Variants in SORCS3 observed in about 807,000 individuals in gnomAD.
SORCS3 encodes the protein VPS10 domain-containing receptor SorCS3.
A neutral mutation model predicts 146.3 loss-of-function variants in SORCS3; 57 were observed. The observed-to-expected ratio is 0.39, with a 90% CI of 0.31 to 0.49. The LOEUF (loss-of-function observed/expected upper bound fraction) is 0.49. Among genes scored for constraint, SORCS3 ranks in the 20% least tolerant of loss-of-function variants. The pLI, the probability that SORCS3 is intolerant of heterozygous loss-of-function variation, is 0.92. For synonymous variants in SORCS3, 653 were observed against 618.5 expected (o/e 1.06, Z -0.83); for missense variants, 1,341 against 1,575.5 (o/e 0.85, Z 2.52).
At chr10:105,119,372 C>T (rs1474375959) in intron 7 of SORCS3, among the ~76,000 whole-genome samples, 1 of 152,156 alleles carries the variant, frequency 6.6e-6, no homozygotes, top group African/African-American at 2.4e-5. Context: ...AGAACCTCTG[C>T]TAGGATAGTG....
At chr10:104,844,240 T>C (rs1589521065) in intron 2 of SORCS3, among the ~76,000 whole-genome samples, 1 of 152,088 alleles carries the variant, frequency 6.6e-6, no homozygotes, top group East Asian at 1.9e-4. Context: ...CACGGTACTT[T>C]CCAGGAAATT....
intron 5 of SORCS3, among the ~76,000 whole-genome samples, chr10:105,080,374 T>A (rs1393632159): frequency 6.6e-6 from 1 of 152,198 alleles, no homozygotes; most frequent in African/African-American, 2.4e-5. Flanking sequence ...AAAGTATCTG[T>A]TCATGTCTTT....
chr10:104,727,776 C>A (rs2133450630), intron 1 of SORCS3, among the ~76,000 whole-genome samples: 1 of 152,154 alleles, frequency 6.6e-6, no homozygotes, highest in African/African-American at 2.4e-5. Context: ...TAAGCTCTGC[C>A]TTCACTCAGA....
chr10:105,096,239 A>G (rs2055746099), intron 6 of SORCS3, among the ~76,000 whole-genome samples: 1 of 152,144 alleles, frequency 6.6e-6, no homozygotes, highest in Admixed American at 6.5e-5. Flanking sequence ...CCTTTTATAA[A>G]GTTGTCCTGC....
At chr10:104,941,002 G>T (rs557364398) in intron 3 of SORCS3, among the ~76,000 whole-genome samples, 2 of 152,252 alleles carry the variant, frequency 1.3e-5, no homozygotes, top group African/African-American at 4.8e-5. Context: ...CTTCCTTTTC[G>T]ATCATATAGG....
intron 1 of SORCS3, among the ~76,000 whole-genome samples, chr10:104,793,454 T>G (rs1001971055): frequency 5.3e-5 from 8 of 152,124 alleles, no homozygotes; most frequent in Admixed American, 3.3e-4. Context: ...GGTAGGATGT[T>G]GGGGAGGGTG....
chr10:104,834,703 T>C (rs567496817), intron 1 of SORCS3, among the ~76,000 whole-genome samples: 2 of 152,060 alleles, frequency 1.3e-5, no homozygotes, highest in South Asian at 4.2e-4. Flanking sequence ...TACCTATTTT[T>C]TTTTTTTCCT....
chr10:104,920,341 A>G (rs933387388), intron 3 of SORCS3, among the ~76,000 whole-genome samples: 13 of 152,224 alleles, frequency 8.5e-5, no homozygotes, highest in Non-Finnish European at 2.9e-5. Flanking sequence ...GATTTTTTAA[A>G]CAATTTTGAA....
chr10:105,045,906 C>T (rs999683830), intron 5 of SORCS3, among the ~76,000 whole-genome samples: 10 of 152,058 alleles, frequency 6.6e-5, no homozygotes, highest in African/African-American at 2.2e-4. Flanking sequence ...ATGTGAATCT[C>T]GTGTACGGTA....
At chr10:104,751,968 T>TATATA (rs1369449514) in intron 1 of SORCS3, among the ~76,000 whole-genome samples, 1 of 128,462 alleles carries the variant, frequency 7.8e-6, no homozygotes, top group South Asian at 2.6e-4. Flanking sequence ...TATATATATA[T>TATATA]AATAGTTTAG....
chr10:104,860,875 G>A (rs2018393674), intron 2 of SORCS3, among the ~76,000 whole-genome samples: 1 of 152,146 alleles, frequency 6.6e-6, no homozygotes, highest in African/African-American at 2.4e-5. Context: ...CTGCAAGATA[G>A]TCCCTGAATA....
At chr10:104,643,960 G>A (rs1426372881) in intron 1 of SORCS3, among the ~76,000 whole-genome samples, 1 of 152,166 alleles carries the variant, frequency 6.6e-6, no homozygotes, top group Non-Finnish European at 1.5e-5. Flanking sequence ...CTGAAGATGG[G>A]ACTTTAGAGA....
intron 1 of SORCS3, among the ~76,000 whole-genome samples, chr10:104,742,952 G>A (rs1008213970): frequency 2.0e-5 from 3 of 152,148 alleles, no homozygotes; most frequent in African/African-American, 7.2e-5. Context: ...AATGCCCTGT[G>A]TGTAAGAAGC....
At chr10:104,902,131 A>G (rs1193198695) in intron 2 of SORCS3, among the ~76,000 whole-genome samples, 1 of 152,220 alleles carries the variant, frequency 6.6e-6, no homozygotes, top group Non-Finnish European at 1.5e-5. Context: ...TGTCTGTAAC[A>G]ACAAGACTAG....
rs145807039 is a variant in SORCS3 at position 104,698,209 on chromosome 10, C to T, written c.627+56255C>T. On this transcript the variant is annotated intron_variant, in intron 1 of 26. Transcript: ENST00000369701. Reference sequence around the variant, plus strand: ...AGTAAGGAAGGCAGGCATTCCCAGCCCCATTTTACAGATGTGGAATCTGAG... The same window carrying T: ...AGTAAGGAAGGCAGGCATTCCCAGCTCCATTTTACAGATGTGGAATCTGAG... Among the ~76,000 whole-genome samples, 18 of 152,180 alleles carry T rather than the reference C, an allele frequency of 1.2e-4. 1 individual carries two copies. In the East Asian group the frequency reaches 3.3e-3, roughly 28 times the overall value.
intron 1 of SORCS3, among the ~76,000 whole-genome samples, chr10:104,781,606 A>G (rs1374874449): frequency 2.0e-5 from 3 of 152,244 alleles, no homozygotes; most frequent in African/African-American, 7.2e-5. Flanking sequence ...TTTTCAAGAA[A>G]CAAAACCACA....
chr10:105,262,573 T>G (rs1350334185), intron 26 of SORCS3, 82 bp downstream of exon 26: 1 of 1,411,308 alleles, frequency 7.1e-7, no homozygotes, highest in Admixed American at 2.0e-5. Flanking sequence ...CATACATTAC[T>G]GGACTGGAGG....
chr10:104,696,729 A>AAT (rs1277194367), intron 1 of SORCS3, among the ~76,000 whole-genome samples: 3 of 77,830 alleles, frequency 3.9e-5, no homozygotes, highest in African/African-American at 5.2e-5. Context: ...TAACATATAT[A>AAT]ATATATAATA....
At chr10:105,053,968 T>G (rs1341777660) in intron 5 of SORCS3, among the ~76,000 whole-genome samples, 1 of 152,222 alleles carries the variant, frequency 6.6e-6, no homozygotes, top group East Asian at 1.9e-4. Context: ...CCACTACAAC[T>G]AAAATACCAT....
Sources: gnomAD v4.1 joint callset for allele counts (sites outside exome capture counted in the v4.1 genomes callset) on GRCh38, gnomAD v4.1.1 for gene constraint, MANE v1.5 for transcripts, NCBI Gene and HGNC (gene_info 2026-07-23, HGNC 2026-07-21) for gene names.